DNAJC16: variants seen among roughly 807,000 people sequenced by gnomAD.
DNAJC16 encodes DnaJ heat shock protein family (Hsp40) member C16.
Under a neutral mutation model 92.7 loss-of-function variants are expected in DNAJC16, and 76 were observed. The ratio of observed to expected loss-of-function variants is 0.82; its 90% CI spans 0.68 to 0.99. The LOEUF (loss-of-function observed/expected upper bound fraction) is 0.99, where lower values mean the gene tolerates loss of function less well. Among genes scored for constraint, DNAJC16 ranks in the 50% least tolerant of loss-of-function variants. The probability of loss-of-function intolerance (pLI) is 0.00; values close to 1 mark genes in which losing one functional copy is unlikely to be tolerated. For synonymous variants in DNAJC16, 328 were observed against 358.7 expected, an observed-to-expected ratio of 0.91 and a Z score of 0.97; for missense variants, 869 against 942.4, an observed-to-expected ratio of 0.92 and a Z score of 1.02.
chr1:15,552,773 T>A (rs948444465), intron 7 of DNAJC16, among the ~76,000 whole-genome samples: 5 of 149,156 alleles, frequency 3.4e-5, no homozygotes, highest in Non-Finnish European at 7.5e-5. Context: ...ATTATTTATT[T>A]TTTTTTTTTT....
chr1:15,559,541 A>G lies in DNAJC16; in HGVS notation c.1039A>G (p.Lys347Glu), dbSNP rs1638645090. Residue 347 changes from lysine (K) to glutamate (E), a missense_variant, in exon 8 of 15, where the codon AAG becomes GAG. Transcript: ENST00000375847. ...TTTTCTCTAGGCCCGAGGTATGAAG[A>G]AGCAAATCATTGACGACTTCATCAC... Reference protein sequence around the residue: ...ADVIQARGMKKQIIDDFITRN... With the variant: ...ADVIQARGMKEQIIDDFITRN... The G allele has an allele frequency of 6.2e-7, 1 of 1,614,094 alleles. No homozygotes were observed.
chr1:15,550,565 G>GAATA (rs1638421872), intron 7 of DNAJC16, among the ~76,000 whole-genome samples: 1 of 152,218 alleles, frequency 6.6e-6, no homozygotes, highest in Non-Finnish European at 1.5e-5. Flanking sequence ...GAGGAATAGT[G>GAATA]TTGCAATGAA....
chr1:15,557,563 T>G (rs901561871), intron 7 of DNAJC16, among the ~76,000 whole-genome samples: 6 of 34,232 alleles, frequency 1.8e-4, no homozygotes, highest in Non-Finnish European at 2.5e-4. Flanking sequence ...ATTTTTGCTG[T>G]TTTTGACTTG....
intron 11 of DNAJC16, 52 bp downstream of exon 11, chr1:15,564,411 CTG>C (rs754972440): frequency 4.1e-5 from 47 of 1,152,790 alleles, no homozygotes; most frequent in Non-Finnish European, 5.5e-5. Flanking sequence ...ACTGATATCA[CTG>C]TTTTTCTTTT....
chr1:15,534,300 C>T lies in DNAJC16; in HGVS notation c.231C>T (p.Tyr77=), dbSNP rs1423326805. 3.1e-6 allele frequency: 5 copies of T among 1,613,892 alleles called. No individual in the cohort carries two copies. Among genetic ancestry groups the T allele is most frequent in the Admixed American group, 1.7e-5 (1 of 59,982 alleles). Residue 77 remains tyrosine, a synonymous_variant, in exon 3 of 15, where the codon TAC becomes TAT. Coordinates refer to ENST00000375847, the MANE Select transcript of DNAJC16 (RefSeq NM_015291.4). ...AGTTCATTCAAATCAGTAAGGCTTA[C>T]GAGGTATCGTGTCCAGCTTTGTGAT... is the stretch of plus-strand genomic sequence containing the variant. ...EDKFIQISKA[Y]EILSNEEKRS...
chr1:15,534,424 A>G, intron 3 of DNAJC16, 121 bp downstream of exon 3: 1 of 1,022,178 alleles, frequency 9.8e-7, no homozygotes, highest in South Asian at 1.6e-5. Flanking sequence ...CAGTTTCTAG[A>G]TTATAATAGA....
In DNAJC16 at chr1:15,559,653, G is replaced by GGAA. The variant is rs749861776; in HGVS notation, c.1153_1154+1dup. On this transcript the variant is annotated inframe_insertion, in exon 8 of 15. Transcript: ENST00000375847. ...CCTGTGAAACGGTCGCATCGACAGA[G>GGAA]GAAGTAAGGACTTAAGGCTTTGCCT... 3.7e-6 allele frequency: 6 copies of GGAA among 1,613,920 alleles called. No individual in the cohort carries two copies. The highest frequency in any genetic ancestry group is 5.1e-6 in the Non-Finnish European group (6 of 1,179,900).
intron 2 of DNAJC16, among the ~76,000 whole-genome samples, chr1:15,530,662 A>G (rs1457415903): frequency 2.6e-5 from 4 of 152,214 alleles, no homozygotes; most frequent in African/African-American, 9.7e-5. Context: ...TTTAAACCTT[A>G]TAATGAGCCT....
intron 6 of DNAJC16, among the ~76,000 whole-genome samples, chr1:15,547,685 G>T (rs923549113): frequency 6.6e-6 from 1 of 151,582 alleles, no homozygotes; most frequent in African/African-American, 2.4e-5. Context: ...CAAGTGATCC[G>T]CCCACCTCGG....
chr1:15,570,695 G>A lies in DNAJC16; in HGVS notation c.*2518G>A, dbSNP rs1298599202. On this transcript the variant is annotated 3_prime_UTR_variant, in exon 15 of 15. Coordinates refer to ENST00000375847, the MANE Select transcript of DNAJC16 (RefSeq NM_015291.4). ...CCGGTTTAGAGCTGGTGCCCTATGAGAATATTAGGGAGCTTTTATTTTAAA... is the reference window on the plus strand; with the variant it reads ...CCGGTTTAGAGCTGGTGCCCTATGAAAATATTAGGGAGCTTTTATTTTAAA... The A allele has an allele frequency of 6.6e-6, 1 of 152,184 alleles. No individual in the cohort carries two copies. The highest frequency in any genetic ancestry group is 2.4e-5 in the African/African-American group (1 of 41,446). 9.4% of individuals were successfully genotyped at this position (152,184 alleles called of 1,614,324 possible). A position where few individuals can be genotyped will look rare whatever the true frequency, so the allele number is the denominator to read the frequency against.
intron 3 of DNAJC16, among the ~76,000 whole-genome samples, chr1:15,536,252 G>A (rs1710781017): frequency 6.6e-6 from 1 of 151,300 alleles, no homozygotes; most frequent in African/African-American, 2.4e-5. Context: ...TTGATTTTTT[G>A]TATTTTTAGT....
At chr1:15,532,108 C>T (rs1710675251) in intron 2 of DNAJC16, among the ~76,000 whole-genome samples, 1 of 152,162 alleles carries the variant, frequency 6.6e-6, no homozygotes, top group East Asian at 1.9e-4. Flanking sequence ...TGTTTGTTAT[C>T]CACATTAGCA....
chr1:15,548,220 T>A, intron 6 of DNAJC16, 50 bp from the exon 7 acceptor site: 2 of 1,590,668 alleles, frequency 1.3e-6, no homozygotes, highest in Non-Finnish European at 1.7e-6. Flanking sequence ...ATTTGTCATT[T>A]ACATCTTTGC....
rs1339769216 is a variant in DNAJC16 at position 15,567,280 on chromosome 1, G to A, written c.1949+11G>A. 9 of 1,610,136 alleles carry A rather than the reference G, an allele frequency of 5.6e-6. No homozygotes were observed. Among genetic ancestry groups the A allele is most frequent in the South Asian group, 1.1e-5 (1 of 91,010 alleles). Reference sequence around the variant, plus strand: ...CTACACATTTACTGGGTAAGCATGTGTGTGTGTGCATGTATGTATGTGTGT... The same window carrying A: ...CTACACATTTACTGGGTAAGCATGTATGTGTGTGCATGTATGTATGTGTGT... On this transcript the variant is annotated intron_variant, in intron 14 of 14. Transcript: ENST00000375847.
At position 15,569,788 on chromosome 1, in the gene DNAJC16, G is replaced by A. The variant is rs1344389506; in HGVS notation, c.*1611G>A. 1 of 151,976 alleles carries A rather than the reference G, an allele frequency of 6.6e-6. No homozygotes were observed. The highest frequency in any genetic ancestry group is 1.9e-4 in the East Asian group (1 of 5,176). The allele number at this position is 151,976 out of a possible 1,614,324, so 9.4% of individuals were successfully genotyped here. A position where few individuals can be genotyped will look rare whatever the true frequency, so the allele number is the denominator to read the frequency against. ...CCTGAGTAGCTAGGATTACAGGCAT[G>A]TGCCACCATGTAATTAGCCCGGCTA... On this transcript the variant is annotated 3_prime_UTR_variant, in exon 15 of 15. Transcript: ENST00000375847.
At chr1:15,539,959 G>A (rs902474297) in intron 4 of DNAJC16, among the ~76,000 whole-genome samples, 2 of 151,786 alleles carry the variant, frequency 1.3e-5, no homozygotes, top group Non-Finnish European at 1.5e-5. Flanking sequence ...ACCCAGGAGT[G>A]GAGGTTGCAG....
chr1:15,556,468 C>T (rs1638574755), intron 7 of DNAJC16, among the ~76,000 whole-genome samples: 1 of 152,192 alleles, frequency 6.6e-6, no homozygotes, highest in Non-Finnish European at 1.5e-5. Flanking sequence ...AGGTGATCTG[C>T]CCGCCTCGGC....
intron 8 of DNAJC16, among the ~76,000 whole-genome samples, chr1:15,561,923 A>G (rs1257832268): frequency 6.6e-6 from 1 of 152,166 alleles, no homozygotes; most frequent in African/African-American, 2.4e-5. Flanking sequence ...TAAATGTGGT[A>G]AAGAAGTTTG....
intron 7 of DNAJC16, among the ~76,000 whole-genome samples, chr1:15,558,974 C>T (rs1053981065): frequency 6.6e-6 from 1 of 152,134 alleles, no homozygotes; most frequent in East Asian, 1.9e-4. Context: ...GAGTCTCGCT[C>T]TGTCGCCCAG....
Sources: allele counts gnomAD v4.1 joint callset (sites outside exome capture counted in the v4.1 genomes callset), GRCh38; gene constraint gnomAD v4.1.1; transcripts MANE v1.5; gene names NCBI Gene and HGNC (gene_info 2026-07-23, HGNC 2026-07-21).